TBCK: variants seen among roughly 807,000 people sequenced by gnomAD.
TBCK encodes TBC domain-containing protein kinase-like protein.
A neutral mutation model predicts 113.4 loss-of-function variants in TBCK; 99 were observed. The observed-to-expected ratio is 0.87, with a 90% CI of 0.74 to 1.03. The LOEUF (loss-of-function observed/expected upper bound fraction) is 1.03, where lower values mean the gene tolerates loss of function less well. Among genes scored for constraint, TBCK ranks in the 50% least tolerant of loss-of-function variants. The pLI, the probability that TBCK is intolerant of heterozygous loss-of-function variation, is 0.00. For synonymous variants in TBCK, 369 were observed against 370.8 expected (o/e 1.00, Z 0.05); for missense variants, 1,045 against 1,061.3 (o/e 0.98, Z 0.21).
Position 106,171,147 on chromosome 4 carries a change from C to A in TBCK, c.2183G>T (p.Ser728Ile), listed in dbSNP as rs1231195259. The change falls in exon 23 of 26, where the codon AGT (serine) becomes ATT (isoleucine). Residue 728 changes from serine to isoleucine, a missense_variant. Transcript: ENST00000394708. ...KPSSDSSGGR[S>I]SAPYFSAECP... ...CTCAGCAGAGAAATAAGGTGCCGAA[C>A]TTCTGCCTCCACTGCTGTCAGAAGA... 1 of 1,612,824 alleles carries A rather than the reference C, an allele frequency of 6.2e-7. No individual in the cohort carries two copies.
chr4:106,183,429 C>A (rs1260234233), intron 22 of TBCK, among the ~76,000 whole-genome samples: 1 of 152,028 alleles, frequency 6.6e-6, no homozygotes. Context: ...CCTCTACTAA[C>A]ATCCTATTTA....
rs984116502 is a variant in TBCK at position 106,160,260 on chromosome 4, GA to G, written c.2235+10834del. Among the ~76,000 whole-genome samples, 92 of 151,950 alleles carry G rather than the reference GA, an allele frequency of 6.1e-4. 3 individuals are homozygous for G. Among genetic ancestry groups the G allele is most frequent in the Admixed American group, 1.7e-3 (26 of 15,262 alleles). ...TGACACCAAAGCCCTAGGTGACAGA[GA>G]AAAAACAGTCAAATTGAACTTTGTG... is the stretch of plus-strand genomic sequence containing the variant. On this transcript the variant is annotated intron_variant, in intron 23 of 25. Transcript: ENST00000394708.
intron 2 of TBCK, among the ~76,000 whole-genome samples, chr4:106,306,555 T>C (rs1767550678): frequency 6.6e-6 from 1 of 152,172 alleles, no homozygotes; most frequent in Non-Finnish European, 1.5e-5. Flanking sequence ...GGTAATGAGT[T>C]ACTCATTTTT....
chr4:106,243,417 A>C (rs1487073161), intron 11 of TBCK, among the ~76,000 whole-genome samples: 3 of 152,208 alleles, frequency 2.0e-5, no homozygotes, highest in Non-Finnish European at 4.4e-5. Flanking sequence ...AAATTTGTTT[A>C]CAATTTCAAT....
At position 106,069,108 on chromosome 4, in the gene TBCK, G is replaced by C. The variant is rs180727698; in HGVS notation, c.2572-22428C>G. On this transcript the variant is annotated intron_variant, in intron 25 of 25. Transcript: ENST00000394708. ...ATTCTATAGGTTGCCTGTTCACTCT[G>C]ATGGTAGTTTCTTTTGCTGTGCAGA... 2.1e-3 allele frequency among the ~76,000 whole-genome samples: 319 copies of C among 152,306 alleles called. 1 individual carries two copies. The highest frequency in any genetic ancestry group is 7.3e-3 in the African/African-American group (304 of 41,560).
At chr4:106,156,733 G>A (rs1749168275) in intron 23 of TBCK, among the ~76,000 whole-genome samples, 1 of 152,104 alleles carries the variant, frequency 6.6e-6, no homozygotes, top group African/African-American at 2.4e-5. Context: ...TGTGGTGAAT[G>A]CTGCCTGGCC....
intron 25 of TBCK, among the ~76,000 whole-genome samples, chr4:106,076,270 T>G (rs1363005908): frequency 2.0e-5 from 3 of 152,174 alleles, no homozygotes; most frequent in Non-Finnish European, 4.4e-5. Context: ...TTACCATTTT[T>G]GGGATTTCTT....
At chr4:106,225,400 T>C (rs530092136) in intron 19 of TBCK, among the ~76,000 whole-genome samples, 1 of 152,310 alleles carries the variant, frequency 6.6e-6, no homozygotes, top group East Asian at 1.9e-4. Context: ...AATTATAATA[T>C]TGGATGTTAA....
intron 3 of TBCK, among the ~76,000 whole-genome samples, chr4:106,287,641 C>A (rs1765248115): frequency 6.6e-6 from 1 of 152,218 alleles, no homozygotes; most frequent in Non-Finnish European, 1.5e-5. Context: ...ATTGTTCACT[C>A]TGAGAGAAGC....
rs553323162 is a variant in TBCK, at chr4:106,200,641, CCATAT to C, written c.1861-5892_1861-5888del. On this transcript the variant is annotated intron_variant, in intron 20 of 25. Coordinates refer to ENST00000394708, the MANE Select transcript of TBCK (RefSeq NM_001163435.3). ...TTAAATTAGAACTTACCACTACCTA[CCATAT>C]AATATATTTATCTTCATTATTGTCT... Among the ~76,000 whole-genome samples the C allele has an allele frequency of 2.7e-3, 404 of 152,122 alleles. 3 individuals are homozygous for C. Among genetic ancestry groups the C allele is most frequent in the African/African-American group, 9.5e-3 (395 of 41,500 alleles).
Position 106,057,417 on chromosome 4 carries a change from T to C in TBCK, c.2572-10737A>G, listed in dbSNP as rs554647999. 2.6e-4 allele frequency among the ~76,000 whole-genome samples: 39 copies of C among 151,910 alleles called. No individual in the cohort carries two copies. The South Asian group carries it at 7.7e-3, about 30-fold the overall frequency. On this transcript the variant is annotated intron_variant, in intron 25 of 25. Coordinates refer to ENST00000394708, the MANE Select transcript of TBCK (RefSeq NM_001163435.3). The stretch of plus-strand genomic sequence containing the variant: ...ATTTTCCAAACGACTTTCCAAAATA[T>C]AGCTGATAGTGTCACTTTCCTTTTC...
chr4:106,206,231 A>C (rs946550884), intron 20 of TBCK, among the ~76,000 whole-genome samples: 1 of 145,770 alleles, frequency 6.9e-6, no homozygotes, highest in African/African-American at 2.6e-5. Flanking sequence ...GATTAGAAAC[A>C]GATGTGGGGG....
In TBCK at chr4:106,116,301, C is replaced by T. The variant is rs368128484; in HGVS notation, c.2313G>A (p.Leu771=). 1 of 1,613,550 alleles carries T rather than the reference C, an allele frequency of 6.2e-7. No homozygotes were observed. Among genetic ancestry groups the T allele is most frequent in the Non-Finnish European group, 8.5e-7 (1 of 1,179,970 alleles). The change falls in exon 24 of 26, where the codon TTG becomes TTA. Residue 771 remains leucine (L), a synonymous_variant. Transcript: ENST00000394708. ...AGTGGCCTGTCACTGTGAGCTCACA[C>T]AAGTCAATCAGGTCCTCTGCTGAAA... ...PRISAEDLID[L]CELTVTGHFK... is the part of the protein sequence containing the mutation.
intron 25 of TBCK, among the ~76,000 whole-genome samples, chr4:106,071,796 A>G (rs1224833434): frequency 6.6e-6 from 1 of 152,182 alleles, no homozygotes; most frequent in African/African-American, 2.4e-5. Context: ...TAGGGTCCAT[A>G]TATATTTAGG....
Position 106,145,818 on chromosome 4 carries a change from G to C in TBCK, c.2235+25277C>G, listed in dbSNP as rs551798424. Among the ~76,000 whole-genome samples the C allele has an allele frequency of 4.6e-5, 7 of 152,228 alleles. 1 individual carries two copies. The highest frequency in any genetic ancestry group is 4.1e-4 in the South Asian group (2 of 4,824). On this transcript the variant is annotated intron_variant, in intron 23 of 25. Coordinates refer to ENST00000394708, the MANE Select transcript of TBCK (RefSeq NM_001163435.3). The stretch of plus-strand genomic sequence containing the variant: ...CAAATCTTAATATCACTGATCATTA[G>C]AGAAATGCAAATCAAAACCACAATG...
chr4:106,293,946 C>T (rs375803039), intron 3 of TBCK, among the ~76,000 whole-genome samples: 2 of 152,264 alleles, frequency 1.3e-5, no homozygotes, highest in South Asian at 2.1e-4. Flanking sequence ...TTCGGGAAAT[C>T]TGTGAAGAAG....
intron 1 of TBCK, among the ~76,000 whole-genome samples, chr4:106,312,853 T>C (rs1017631003): frequency 6.6e-6 from 1 of 152,166 alleles, no homozygotes; most frequent in Non-Finnish European, 1.5e-5. Flanking sequence ...TCCATTTAAA[T>C]GTAATTCCAG....
chr4:106,090,121 T>C, intron 25 of TBCK, among the ~76,000 whole-genome samples: 1 of 152,314 alleles, frequency 6.6e-6, no homozygotes, highest in East Asian at 1.9e-4. Context: ...TATCCAGACT[T>C]CCCCACACGT....
intron 23 of TBCK, among the ~76,000 whole-genome samples, chr4:106,169,984 G>A (rs1002031581): frequency 1.3e-5 from 2 of 152,068 alleles, no homozygotes; most frequent in Non-Finnish European, 1.5e-5. Flanking sequence ...AAGTAAGGGA[G>A]CAGTGGCCGT....
Sources: allele counts gnomAD v4.1 joint callset (sites outside exome capture counted in the v4.1 genomes callset), GRCh38; gene constraint gnomAD v4.1.1; transcripts MANE v1.5; gene names NCBI Gene and HGNC (gene_info 2026-07-23, HGNC 2026-07-21).